ZFPM2: variants seen among roughly 807,000 people sequenced by gnomAD.
ZFPM2 encodes the protein zinc finger protein, FOG family member 2.
In ZFPM2, 20 loss-of-function variants were observed where a neutral mutation model predicts 98.6. The observed-to-expected ratio is 0.20, with a 90% CI of 0.14 to 0.29. ZFPM2 has a LOEUF of 0.29. ZFPM2 is among the 10% of genes least tolerant of loss of function. The pLI is 1.00. For synonymous variants in ZFPM2, 518 were observed against 502.7 expected (o/e 1.03, Z -0.41); for missense variants, 1,310 against 1,388.6 (o/e 0.94, Z 0.90).
Position 105,798,880 on chromosome 8 carries a change from C to CCTT in ZFPM2, c.898_900dup (p.Phe300dup), listed in dbSNP as rs774999938. Reference sequence around the variant, plus strand: ...GCCCATCAGATTTCCAGCCTGTGCCCCTTCCCACAGTGCACCAAGAGCTTT... The same window carrying CCTT: ...GCCCATCAGATTTCCAGCCTGTGCCCCTTCTTCCCACAGTGCACCAAGAGCTTT... On this transcript the variant is annotated inframe_insertion, in exon 7 of 8. Transcript: ENST00000407775. The CCTT allele has an allele frequency of 2.4e-5, 38 of 1,613,930 alleles. No homozygotes were observed. In the African/African-American group the frequency reaches 4.3e-4, roughly 18 times the overall value.
intron 2 of ZFPM2, among the ~76,000 whole-genome samples, chr8:105,423,052 C>T (rs1420948403): frequency 7.8e-6 from 1 of 128,412 alleles, no homozygotes; most frequent in Non-Finnish European, 1.5e-5. Context: ...TGCTGAAGGG[C>T]AAGTTTTTCT....
At chr8:105,664,504 T>A (rs552071750) in intron 5 of ZFPM2, among the ~76,000 whole-genome samples, 1 of 152,142 alleles carries the variant, frequency 6.6e-6, no homozygotes, top group African/African-American at 2.4e-5. Context: ...CTGGCTAATT[T>A]TGTATTTTTA....
intron 5 of ZFPM2, among the ~76,000 whole-genome samples, chr8:105,634,625 T>C (rs904114279): frequency 5.3e-5 from 8 of 152,186 alleles, no homozygotes; most frequent in Middle Eastern, 6.3e-3. Context: ...TTGACTAATA[T>C]CTTTCTCTTG....
chr8:105,709,403 T>G (rs552006678), intron 5 of ZFPM2, among the ~76,000 whole-genome samples: 1 of 152,296 alleles, frequency 6.6e-6, no homozygotes, highest in African/African-American at 2.4e-5. Flanking sequence ...CTTGATGTTT[T>G]CTTTTTTCTT....
At chr8:105,495,716 G>T (rs192150498) in intron 3 of ZFPM2, among the ~76,000 whole-genome samples, 5 of 151,862 alleles carry the variant, frequency 3.3e-5, no homozygotes, top group Admixed American at 1.3e-4. Flanking sequence ...ACATTTCATC[G>T]TTTTTTTCTG....
At chr8:105,406,002 G>C (rs982198748) in intron 1 of ZFPM2, among the ~76,000 whole-genome samples, 2 of 152,076 alleles carry the variant, frequency 1.3e-5, no homozygotes, top group Admixed American at 1.3e-4. Flanking sequence ...TCTCATTGTG[G>C]TTTTGATTTG....
At chr8:105,608,524 A>G (rs1301458302) in intron 4 of ZFPM2, among the ~76,000 whole-genome samples, 1 of 151,356 alleles carries the variant, frequency 6.6e-6, no homozygotes. Flanking sequence ...ATGTAATGCC[A>G]TATGTAAAAG....
intron 4 of ZFPM2, among the ~76,000 whole-genome samples, chr8:105,563,726 A>G (rs537122393): frequency 6.6e-6 from 1 of 152,298 alleles, no homozygotes; most frequent in African/African-American, 2.4e-5. Context: ...AACTTATTTT[A>G]TCTGGGAGTT....
At chr8:105,470,176 T>G (rs1377016328) in intron 3 of ZFPM2, among the ~76,000 whole-genome samples, 1 of 152,176 alleles carries the variant, frequency 6.6e-6, no homozygotes, top group Non-Finnish European at 1.5e-5. Context: ...CTCTACCTCC[T>G]CTTTTTCTTC....
chr8:105,416,909 A>G (rs1176820106), intron 1 of ZFPM2, among the ~76,000 whole-genome samples: 1 of 151,762 alleles, frequency 6.6e-6, no homozygotes, highest in Non-Finnish European at 1.5e-5. Flanking sequence ...ACCATTTTCT[A>G]AGTTACCTAT....
At chr8:105,484,673 A>G (rs541138572) in intron 3 of ZFPM2, among the ~76,000 whole-genome samples, 1 of 152,254 alleles carries the variant, frequency 6.6e-6, no homozygotes, top group South Asian at 2.1e-4. Context: ...AATATTGGCT[A>G]CTATTTTTAT....
intron 2 of ZFPM2, among the ~76,000 whole-genome samples, chr8:105,436,991 T>G (rs1812133677): frequency 6.6e-6 from 1 of 152,230 alleles, no homozygotes; most frequent in Admixed American, 6.5e-5. Context: ...TGTTCCATTC[T>G]GTTTTCTACA....
chr8:105,531,004 A>T (rs145711931), intron 3 of ZFPM2, among the ~76,000 whole-genome samples: 9 of 152,174 alleles, frequency 5.9e-5, no homozygotes, highest in South Asian at 2.1e-4. Context: ...TTTGACTCAA[A>T]CTCCTTTTTC....
rs1272495900 is a variant in ZFPM2 at position 105,712,218 on chromosome 8, C to G, written c.533-76500C>G. ...GAGGAGAAGAAAGAACATTATGCTA[C>G]TAGAGGAATGTATTCATTGATTCTA... On this transcript the variant is annotated intron_variant, in intron 5 of 7. Coordinates refer to ENST00000407775, the MANE Select transcript of ZFPM2 (RefSeq NM_012082.4). Among the ~76,000 whole-genome samples, 21 of 152,034 alleles carry G rather than the reference C, an allele frequency of 1.4e-4. No homozygotes were observed. The East Asian group carries it at 3.7e-3, about 27-fold the overall frequency.
chr8:105,449,932 G>A (rs1343285738), intron 3 of ZFPM2, among the ~76,000 whole-genome samples: 1 of 151,966 alleles, frequency 6.6e-6, no homozygotes, highest in Non-Finnish European at 1.5e-5. Flanking sequence ...GTTGCAGTGG[G>A]TTAATTTGGC....
intron 5 of ZFPM2, among the ~76,000 whole-genome samples, chr8:105,701,949 T>C (rs940176662): frequency 6.6e-6 from 1 of 152,234 alleles, no homozygotes; most frequent in African/African-American, 2.4e-5. Flanking sequence ...ATTTAACTCT[T>C]GATCACTCAT....
At chr8:105,793,671 T>C (rs552654232) in intron 6 of ZFPM2, among the ~76,000 whole-genome samples, 1 of 152,334 alleles carries the variant, frequency 6.6e-6, no homozygotes, top group African/African-American at 2.4e-5. Context: ...GATAATATCC[T>C]GCAGAGTGTT....
At chr8:105,475,460 T>G (rs574840222) in intron 3 of ZFPM2, among the ~76,000 whole-genome samples, 1 of 152,324 alleles carries the variant, frequency 6.6e-6, no homozygotes, top group African/African-American at 2.4e-5. Flanking sequence ...AACCTTTGAT[T>G]GTTGGCAGAG....
chr8:105,596,479 T>C (rs1368204288), intron 4 of ZFPM2, among the ~76,000 whole-genome samples: 2 of 152,036 alleles, frequency 1.3e-5, no homozygotes, highest in African/African-American at 4.8e-5. Flanking sequence ...TCCCTGGTTG[T>C]TCTGGTATGC....
Sources: gnomAD v4.1 joint callset for allele counts (sites outside exome capture counted in the v4.1 genomes callset) on GRCh38, gnomAD v4.1.1 for gene constraint, MANE v1.5 for transcripts, NCBI Gene and HGNC (gene_info 2026-07-23, HGNC 2026-07-21) for gene names.